The following KAZN variants were observed in gnomAD, a reference collection of about 807,000 sequenced individuals.
KAZN encodes kazrin.
Under a neutral mutation model 87.4 loss-of-function variants are expected in KAZN, and 40 were observed. That is an observed-to-expected ratio of 0.46 (90% CI 0.36 to 0.60). The LOEUF (loss-of-function observed/expected upper bound fraction) is 0.60, where lower values mean the gene tolerates loss of function less well. Ranked by LOEUF, KAZN falls within the 20% of genes least tolerant of loss-of-function variation. The pLI is 0.00. For synonymous variants in KAZN, 466 were observed against 458.3 expected (o/e 1.02, Z -0.22); for missense variants, 898 against 1,073.9 (o/e 0.84, Z 2.29).
chr1:13,907,759 C>G (rs1036407533), intron 1 of KAZN, among the ~76,000 whole-genome samples: 1 of 152,198 alleles, frequency 6.6e-6, no homozygotes, highest in East Asian at 1.9e-4. Flanking sequence ...TTCAGACTGG[C>G]TTCTCATGAA....
In KAZN at chr1:14,756,151, A is replaced by G. The variant is rs188456183; in HGVS notation, c.226+156928A>G. ...AAAGCTCATGGTGTGGCTCAGTGAT[A>G]GAAACCAGCTGGCCCAGGTATTTCT... On this transcript the variant is annotated intron_variant, in intron 1 of 14. Coordinates refer to ENST00000376030, the MANE Select transcript of KAZN (RefSeq NM_201628.3). Among the ~76,000 whole-genome samples, 4 of 152,338 alleles carry G rather than the reference A, an allele frequency of 2.6e-5. No individual in the cohort carries two copies. In the East Asian group the frequency reaches 7.7e-4, roughly 29 times the overall value.
intron 2 of KAZN, among the ~76,000 whole-genome samples, chr1:14,436,730 A>AAC (rs1553172262): frequency 6.7e-6 from 1 of 150,266 alleles, no homozygotes; most frequent in Admixed American, 6.6e-5. Flanking sequence ...AAAAAAAAAA[A>AAC]AAAAAAAACC....
intron 2 of KAZN, among the ~76,000 whole-genome samples, chr1:14,271,895 T>C (rs560741277): frequency 1.3e-5 from 2 of 152,292 alleles, no homozygotes; most frequent in East Asian, 3.9e-4. Flanking sequence ...GGAATTCCCA[T>C]GTAAGGGACT....
intron 6 of KAZN, chr1:15,062,209 A>C (rs146339013): frequency 3.3e-5 from 5 of 152,452 alleles, no homozygotes; most frequent in African/African-American, 1.2e-4. Context: ...GCCTTGGCAC[A>C]TTCCTGCTGC....
intron 2 of KAZN, among the ~76,000 whole-genome samples, chr1:14,513,691 C>T (rs1671040230): frequency 6.6e-6 from 1 of 152,116 alleles, no homozygotes. Context: ...TCATAGTAAG[C>T]ATTTTAAAAT....
intron 2 of KAZN, among the ~76,000 whole-genome samples, chr1:14,419,305 G>A (rs1318957904): frequency 1.3e-5 from 2 of 152,096 alleles, no homozygotes; most frequent in African/African-American, 2.4e-5. Context: ...AGAAAGAAAG[G>A]CCGGGTCTGA....
chr1:15,015,350 G>A (rs1291528993), intron 2 of KAZN, among the ~76,000 whole-genome samples: 2 of 151,928 alleles, frequency 1.3e-5, no homozygotes, highest in Admixed American at 6.6e-5. Flanking sequence ...ACGGGATTTC[G>A]CCATGTTGGC....
rs1035737223 is a variant in KAZN at position 15,099,245 on chromosome 1, A to G, written c.1548-2298A>G. Among the ~76,000 whole-genome samples, 5 of 152,228 alleles carry G rather than the reference A, an allele frequency of 3.3e-5. No individual in the cohort carries two copies. Among genetic ancestry groups the G allele is most frequent in the Non-Finnish European group, 7.3e-5 (5 of 68,032 alleles). Reference sequence around the variant, plus strand: ...CCATCCTGCTCTTAGCCATTATTCCAGGAAGCATTCAATCAGTGTCTACTG... The same window carrying G: ...CCATCCTGCTCTTAGCCATTATTCCGGGAAGCATTCAATCAGTGTCTACTG... On this transcript the variant is annotated intron_variant, in intron 10 of 14. Coordinates refer to ENST00000376030, the MANE Select transcript of KAZN (RefSeq NM_201628.3). The surrounding 1 kb of genome is among the most constrained non-coding windows in gnomAD (Gnocchi z 5.4).
intron 1 of KAZN, among the ~76,000 whole-genome samples, chr1:14,939,226 C>T (rs1660789296): frequency 6.6e-6 from 1 of 152,130 alleles, no homozygotes; most frequent in Non-Finnish European, 1.5e-5. Flanking sequence ...CCCACCTCGG[C>T]CTCCCAAAGT....
chr1:15,077,057 G>A lies in KAZN; in HGVS notation c.1222+11304G>A, dbSNP rs147063807. On this transcript the variant is annotated intron_variant, in intron 8 of 14. Coordinates refer to ENST00000376030, the MANE Select transcript of KAZN (RefSeq NM_201628.3). This position sits in a 1 kb window ranked among gnomAD's most constrained non-coding sequence, Gnocchi z 4.8. ...GAAGCAGCTCTGCTCACTCCAGCGA[G>A]GCTGCTCGGAGCAATGCCAGCCTGG... Among the ~76,000 whole-genome samples, 206 of 152,344 alleles carry A rather than the reference G, an allele frequency of 1.4e-3. No homozygotes were observed. Among genetic ancestry groups the A allele is most frequent in the African/African-American group, 4.7e-3 (197 of 41,592 alleles).
chr1:14,928,168 T>C (rs561882514), intron 1 of KAZN, among the ~76,000 whole-genome samples: 1 of 152,330 alleles, frequency 6.6e-6, no homozygotes, highest in East Asian at 1.9e-4. Flanking sequence ...ACCCACATTA[T>C]GGCGGGGCGC....
intron 2 of KAZN, among the ~76,000 whole-genome samples, chr1:14,230,219 A>C (rs1424057674): frequency 1.3e-5 from 2 of 152,238 alleles, no homozygotes; most frequent in Non-Finnish European, 2.9e-5. Context: ...AACAAGACAA[A>C]GGTGAACATA....
At chr1:15,019,162 A>G (rs1409649721) in intron 2 of KAZN, among the ~76,000 whole-genome samples, 1 of 152,170 alleles carries the variant, frequency 6.6e-6, no homozygotes, top group Non-Finnish European at 1.5e-5. Flanking sequence ...CTCCAGGGTG[A>G]TGAAAGGCCT....
intron 2 of KAZN, among the ~76,000 whole-genome samples, chr1:15,009,064 T>A (rs1317669268): frequency 6.6e-6 from 1 of 152,108 alleles, no homozygotes; most frequent in African/African-American, 2.4e-5. Flanking sequence ...CCCGCTGGGG[T>A]GAGCCAGCAG....
chr1:14,015,521 C>T (rs1166391213), intron 1 of KAZN, among the ~76,000 whole-genome samples: 2 of 109,124 alleles, frequency 1.8e-5, no homozygotes, highest in Admixed American at 1.5e-4. Context: ...GCTTTTGTTG[C>T]CCAGGCTGGA....
Position 15,056,011 on chromosome 1 carries a change from G to C in KAZN, c.727-80G>C, listed in dbSNP as rs540964433. The C allele has an allele frequency of 1.7e-3, 2,394 of 1,387,814 alleles. 7 individuals are homozygous for C. The highest frequency in any genetic ancestry group is 2.0e-3 in the Non-Finnish European group (2,036 of 996,478). 86.0% of individuals were successfully genotyped at this position (1,387,814 alleles called of 1,614,324 possible). On this transcript the variant is annotated intron_variant, in intron 4 of 14. Coordinates refer to ENST00000376030, the MANE Select transcript of KAZN (RefSeq NM_201628.3). The surrounding 1 kb of genome is among the most constrained non-coding windows in gnomAD (Gnocchi z 5.4). ...CAGAGGATCCGGGCTTTCTCCCCAT[G>C]GCGGTGGGTGGTGCCAAGCAGCTGG...
intron 2 of KAZN, among the ~76,000 whole-genome samples, chr1:15,006,087 G>A (rs895785382): frequency 2.0e-5 from 3 of 152,206 alleles, no homozygotes; most frequent in African/African-American, 7.2e-5. Context: ...ATGAGACCTG[G>A]GGTTCTGGGG....
chr1:14,613,416 T>C (rs1677972527), intron 1 of KAZN, among the ~76,000 whole-genome samples: 1 of 152,222 alleles, frequency 6.6e-6, no homozygotes, highest in South Asian at 2.1e-4. Context: ...TTAATCAAGA[T>C]GGCTATTCCA....
intron 1 of KAZN, among the ~76,000 whole-genome samples, chr1:14,619,988 T>C (rs1678564345): frequency 6.6e-6 from 1 of 152,210 alleles, no homozygotes; most frequent in Non-Finnish European, 1.5e-5. Flanking sequence ...ATAGTGGCAT[T>C]GAATCACTTT....
Sources: gnomAD v4.1 joint callset for allele counts (sites outside exome capture counted in the v4.1 genomes callset) on GRCh38, gnomAD v4.1.1 for gene constraint, Gnocchi (gnomAD v3.1) non-coding constraint, MANE v1.5 for transcripts, NCBI Gene and HGNC (gene_info 2026-07-23, HGNC 2026-07-21) for gene names.